The following RPS6KA2 variants were observed in gnomAD, a reference collection of about 807,000 sequenced individuals.
RPS6KA2 encodes ribosomal protein S6 kinase A2, also known as ribosomal protein S6 kinase alpha-2.
RPS6KA2 carries 42 observed loss-of-function variants against 91.8 expected under a neutral mutation model. The ratio of observed to expected loss-of-function variants is 0.46; its 90% CI spans 0.36 to 0.59. The LOEUF (loss-of-function observed/expected upper bound fraction) is 0.59. RPS6KA2 is among the 20% of genes least tolerant of loss of function. The pLI is 0.00. For missense variants in RPS6KA2, 798 were observed against 978.5 expected, an observed-to-expected ratio of 0.82 and a Z score of 2.46; for synonymous variants, 414 against 393.6, an observed-to-expected ratio of 1.05 and a Z score of -0.61.
chr6:166,752,317 G>A (rs956099937), intron 2 of RPS6KA2, among the ~76,000 whole-genome samples: 1 of 152,148 alleles, frequency 6.6e-6, no homozygotes, highest in Non-Finnish European at 1.5e-5. Flanking sequence ...AGTCACCGCA[G>A]AGCAAGACCA....
At chr6:166,817,680 A>G (rs1779803451) in intron 2 of RPS6KA2, among the ~76,000 whole-genome samples, 1 of 151,444 alleles carries the variant, frequency 6.6e-6, no homozygotes, top group South Asian at 2.1e-4. Flanking sequence ...TCTGTATGCA[A>G]TTCAATACCA....
At chr6:166,568,920 C>T (rs1784589759) in intron 1 of RPS6KA2, among the ~76,000 whole-genome samples, 1 of 152,230 alleles carries the variant, frequency 6.6e-6, no homozygotes, top group African/African-American at 2.4e-5. Flanking sequence ...AATCTAGACT[C>T]TGCTTCTTCC....
intron 2 of RPS6KA2, among the ~76,000 whole-genome samples, chr6:166,538,285 A>G (rs1783543624): frequency 6.6e-6 from 1 of 152,024 alleles, no homozygotes; most frequent in South Asian, 2.1e-4. Flanking sequence ...TCTTTTCTTT[A>G]TTCTTTTTTT....
intron 2 of RPS6KA2, among the ~76,000 whole-genome samples, chr6:166,790,359 T>A (rs1170131960): frequency 6.6e-6 from 1 of 152,188 alleles, no homozygotes; most frequent in Admixed American, 6.5e-5. Context: ...AATATGGGAC[T>A]ACGTGAAAAG....
chr6:166,443,200 G>C (rs190674755), intron 14 of RPS6KA2, among the ~76,000 whole-genome samples: 1 of 152,240 alleles, frequency 6.6e-6, no homozygotes, highest in African/African-American at 2.4e-5. Flanking sequence ...TTAGTGTATG[G>C]GACTGTATTT....
chr6:166,563,234 G>A lies in RPS6KA2; in HGVS notation c.100-24450C>T, dbSNP rs1784394684. Among the ~76,000 whole-genome samples the A allele has an allele frequency of 6.6e-6, 1 of 152,196 alleles. No individual in the cohort carries two copies. Among genetic ancestry groups the A allele is most frequent in the African/African-American group, 2.4e-5 (1 of 41,460 alleles). On this transcript the variant is annotated intron_variant, in intron 1 of 20. Coordinates refer to ENST00000265678, the MANE Select transcript of RPS6KA2 (RefSeq NM_021135.6). The surrounding 1 kb of genome is among the most constrained non-coding windows in gnomAD (Gnocchi z 4.1). ...CGCCACGTCTGTGTCTCTGGAGAAG[G>A]AAGATGGAGAAGGCATCCTCCGGTG...
At chr6:166,781,073 G>T (rs1348776065) in intron 2 of RPS6KA2, among the ~76,000 whole-genome samples, 2 of 152,202 alleles carry the variant, frequency 1.3e-5, no homozygotes, top group African/African-American at 4.8e-5. Flanking sequence ...AAACAGTATT[G>T]CTGGGTTGTA....
At chr6:166,492,682 A>G (rs906979263) in intron 8 of RPS6KA2, among the ~76,000 whole-genome samples, 3 of 150,926 alleles carry the variant, frequency 2.0e-5, no homozygotes, top group Non-Finnish European at 3.0e-5. Context: ...ATGGACTGGT[A>G]TCTTGCATAC....
intron 1 of RPS6KA2, among the ~76,000 whole-genome samples, chr6:166,546,608 G>A (rs1300095884): frequency 6.6e-6 from 1 of 151,922 alleles, no homozygotes; most frequent in East Asian, 1.9e-4. Context: ...TACATCATCA[G>A]TATAACCAAG....
At chr6:166,456,122 C>T (rs1243507983) in intron 12 of RPS6KA2, among the ~76,000 whole-genome samples, 1 of 152,180 alleles carries the variant, frequency 6.6e-6, no homozygotes, top group East Asian at 1.9e-4. Context: ...CCAAGAGGCA[C>T]GGAAGACACA....
intron 1 of RPS6KA2, among the ~76,000 whole-genome samples, chr6:166,568,317 C>T (rs935693224): frequency 2.1e-4 from 32 of 152,170 alleles, no homozygotes; most frequent in African/African-American, 5.8e-4. Context: ...AAATTGAATC[C>T]AAAATCTATT....
At chr6:166,451,664 C>T (rs551248975) in intron 12 of RPS6KA2, among the ~76,000 whole-genome samples, 1 of 152,178 alleles carries the variant, frequency 6.6e-6, no homozygotes, top group Non-Finnish European at 1.5e-5. Flanking sequence ...CTTCTGGTCT[C>T]TAGGTTCGAC....
intron 1 of RPS6KA2, among the ~76,000 whole-genome samples, chr6:166,625,320 ACCACCCC>A (rs1267725326): frequency 1.4e-3 from 31 of 22,676 alleles, no homozygotes; most frequent in African/African-American, 6.3e-3. Context: ...TCCTATTCCC[ACCACCCC>A]CCCACCCCCC....
At position 166,701,196 on chromosome 6, in the gene RPS6KA2, G is replaced by A. The variant is rs1351840006; in HGVS notation, c.123+157004C>T. ...CCTGAATTTTTCTCTGGGCAACCTGGCAAGCATAGAAGTGACCAGTTATTT... is the reference window on the plus strand; with the variant it reads ...CCTGAATTTTTCTCTGGGCAACCTGACAAGCATAGAAGTGACCAGTTATTT... On this transcript the variant is annotated intron_variant, in intron 2 of 21. Transcript: ENST00000503859. 1.9e-6 allele frequency: 3 copies of A among 1,612,132 alleles called. No individual in the cohort carries two copies. The East Asian group carries it at 6.7e-5, about 36-fold the overall frequency.
intron 2 of RPS6KA2, among the ~76,000 whole-genome samples, chr6:166,798,525 C>T (rs993073507): frequency 3.9e-5 from 6 of 152,338 alleles, no homozygotes; most frequent in Admixed American, 6.5e-5. Context: ...CTCCCTGTTC[C>T]GGCTGCAGGA....
intron 2 of RPS6KA2, among the ~76,000 whole-genome samples, chr6:166,739,190 C>T (rs1790744798): frequency 6.6e-6 from 1 of 152,196 alleles, no homozygotes; most frequent in African/African-American, 2.4e-5. Context: ...TTTAACTTGT[C>T]TAAACTCATG....
rs16899559 is a variant in RPS6KA2 at position 166,826,045 on chromosome 6, G to A, written c.123+32155C>T. ...ACAATGAGTCATTAGAAAACACTTC[G>A]GGCATAAATAGATGTTCTCTTTTGG... On this transcript the variant is annotated intron_variant, in intron 2 of 21. Transcript: ENST00000503859. Among the ~76,000 whole-genome samples, 1,414 of 152,260 alleles carry A rather than the reference G, an allele frequency of 9.3e-3. 12 individuals carry two copies. The highest frequency in any genetic ancestry group is 0.032 in the African/African-American group (1,338 of 41,544).
At chr6:166,713,229 C>A (rs574505389) in intron 2 of RPS6KA2, among the ~76,000 whole-genome samples, 9 of 152,356 alleles carry the variant, frequency 5.9e-5, no homozygotes, top group Non-Finnish European at 1.3e-4. Context: ...GGGTGACCCA[C>A]AGCCACTTGG....
intron 2 of RPS6KA2, among the ~76,000 whole-genome samples, chr6:166,694,165 G>A (rs1789293508): frequency 6.6e-6 from 1 of 152,202 alleles, no homozygotes; most frequent in South Asian, 2.1e-4. Flanking sequence ...CACACACGGA[G>A]GTTCTTTGCC....
Sources: allele counts gnomAD v4.1 joint callset (sites outside exome capture counted in the v4.1 genomes callset), GRCh38; gene constraint gnomAD v4.1.1; non-coding constraint Gnocchi (gnomAD v3.1); transcripts MANE v1.5; gene names NCBI Gene and HGNC (gene_info 2026-07-23, HGNC 2026-07-21).